Variants in ADAP2 observed in about 807,000 individuals in gnomAD.
The protein encoded by ADAP2 is arf-GAP with dual PH domain-containing protein 2.
In ADAP2, 42 loss-of-function variants were observed where a neutral mutation model predicts 54.9. The observed-to-expected ratio is 0.77, with a 90% CI of 0.60 to 0.99. ADAP2 has a LOEUF of 0.99. Ranked by LOEUF, ADAP2 falls within the 50% of genes least tolerant of loss-of-function variation. ADAP2 has a pLI of 0.00. For missense variants in ADAP2, 429 were observed against 480.4 expected (o/e 0.89, Z 1.00); for synonymous variants, 177 against 180.1 (o/e 0.98, Z 0.14).
chr17:30,958,064 C>G lies in ADAP2; in HGVS notation c.*195C>G, dbSNP rs1212074568. 1 of 620,276 alleles carries G rather than the reference C, an allele frequency of 1.6e-6. No homozygotes were observed. The highest frequency in any genetic ancestry group is 2.9e-6 in the Non-Finnish European group (1 of 342,632). 38.4% of individuals were successfully genotyped at this position (620,276 alleles called of 1,614,324 possible). Reference sequence around the variant, plus strand: ...CTTCCCCGCAACCCACCTCGGGGATCTGAGGATCTGGTGCATAGATGAACA... The same window carrying G: ...CTTCCCCGCAACCCACCTCGGGGATGTGAGGATCTGGTGCATAGATGAACA... On this transcript the variant is annotated 3_prime_UTR_variant, in exon 11 of 11. Coordinates refer to ENST00000330889, the MANE Select transcript of ADAP2 (RefSeq NM_018404.3).
intron 9 of ADAP2, among the ~76,000 whole-genome samples, chr17:30,955,017 AG>A (rs1471555922): frequency 6.6e-6 from 1 of 152,026 alleles, no homozygotes; most frequent in Non-Finnish European, 1.5e-5. Flanking sequence ...CCTTCCCCAG[AG>A]GTTGCCATGA....
intron 3 of ADAP2, among the ~76,000 whole-genome samples, chr17:30,928,611 A>G (rs1294531167): frequency 7.9e-5 from 12 of 152,180 alleles, no homozygotes; most frequent in Admixed American, 7.9e-4. Context: ...TACTATCCCT[A>G]TGCTATAGAT....
chr17:30,929,703 T>A (rs1244615291), intron 3 of ADAP2, among the ~76,000 whole-genome samples: 1 of 152,096 alleles, frequency 6.6e-6, no homozygotes, highest in Non-Finnish European at 1.5e-5. Flanking sequence ...CTTTCTTTCT[T>A]TTTTAAATAT....
At chr17:30,922,793 G>C (rs1486246677) in intron 1 of ADAP2, 147 bp from the exon 2 acceptor site, 1 of 880,392 alleles carries the variant, frequency 1.1e-6, no homozygotes, top group East Asian at 2.6e-5. Flanking sequence ...GCAGCGGCCG[G>C]TGGGCTAACC....
intron 5 of ADAP2, among the ~76,000 whole-genome samples, chr17:30,944,404 A>G (rs1030212424): frequency 6.6e-6 from 1 of 152,086 alleles, no homozygotes; most frequent in Non-Finnish European, 1.5e-5. Context: ...TGGTAGGCCA[A>G]GGCAGGTGGA....
chr17:30,949,367 T>C lies in ADAP2; in HGVS notation c.738T>C (p.Ser246=), dbSNP rs200098561. The C allele has an allele frequency of 3.1e-6, 5 of 1,613,926 alleles. No homozygotes were observed. Among genetic ancestry groups the C allele is most frequent in the Middle Eastern group, 1.6e-4 (1 of 6,062 alleles). ...TGGCCTTTCCTGAACTCCCAGAGTCTGAGGTGAGCTAAATGCGGACCCCAA... is the reference window on the plus strand; with the variant it reads ...TGGCCTTTCCTGAACTCCCAGAGTCCGAGGTGAGCTAAATGCGGACCCCAA... ...LKMAFPELPE[S]ELVPFLTRNY... The change falls in exon 7 of 11, where the codon TCT becomes TCC. Residue 246 remains serine, a synonymous_variant. Transcript: ENST00000330889.
intron 3 of ADAP2, among the ~76,000 whole-genome samples, chr17:30,929,174 ATCTC>A (rs1331875509): frequency 1.3e-5 from 2 of 152,194 alleles, no homozygotes; most frequent in Non-Finnish European, 2.9e-5. Flanking sequence ...AAGTCAGCAA[ATCTC>A]TCTGATTGTC....
intron 4 of ADAP2, among the ~76,000 whole-genome samples, 193 bp downstream of exon 4, chr17:30,932,161 A>G (rs1911535998): frequency 6.6e-6 from 1 of 151,572 alleles, no homozygotes; most frequent in South Asian, 2.1e-4. Context: ...TGCTCTGAGC[A>G]GCAGAGAAGC....
chr17:30,944,610 C>T (rs561092928), intron 5 of ADAP2, among the ~76,000 whole-genome samples: 37 of 152,304 alleles, frequency 2.4e-4, no homozygotes, highest in Non-Finnish European at 4.3e-4. Flanking sequence ...CAGGTGTCTA[C>T]CACCACGCCC....
intron 4 of ADAP2, among the ~76,000 whole-genome samples, chr17:30,933,640 C>T (rs1409876808): frequency 1.3e-5 from 2 of 152,222 alleles, no homozygotes; most frequent in African/African-American, 4.8e-5. Flanking sequence ...GCTGGGATTA[C>T]AGGCACGCGC....
At chr17:30,938,941 C>G (rs534787399) in intron 5 of ADAP2, among the ~76,000 whole-genome samples, 2 of 152,086 alleles carry the variant, frequency 1.3e-5, no homozygotes, top group South Asian at 2.1e-4. Flanking sequence ...ATACATGTAG[C>G]GAAATTTCAC....
chr17:30,923,120 A>G (rs777623542), intron 2 of ADAP2, 50 bp downstream of exon 2: 1 of 1,605,768 alleles, frequency 6.2e-7, no homozygotes, highest in South Asian at 1.1e-5. Flanking sequence ...ACTGGAGTAG[A>G]GGCAGCGGGC....
At chr17:30,947,467 C>T (rs1325787044) in intron 6 of ADAP2, among the ~76,000 whole-genome samples, 1 of 152,212 alleles carries the variant, frequency 6.6e-6, no homozygotes, top group African/African-American at 2.4e-5. Flanking sequence ...AATTCTCCAG[C>T]CTCAGCCTCT....
intron 7 of ADAP2, among the ~76,000 whole-genome samples, chr17:30,950,741 C>T (rs938403862): frequency 6.6e-6 from 1 of 152,154 alleles, no homozygotes; most frequent in African/African-American, 2.4e-5. Context: ...GGAGCAATTC[C>T]AGCAAGGCCC....
chr17:30,956,387 C>T lies in ADAP2; in HGVS notation c.1029C>T (p.Cys343=). Residue 343 remains cysteine (C), a synonymous_variant, in exon 10 of 11, where the codon TGC becomes TGT. Transcript: ENST00000330889. ...VTPERRFVLT[C]PSEKEQQEWL... is the part of the protein sequence containing the mutation. Reference sequence around the variant, plus strand: ...CAGAGCGGAGATTTGTCCTCACTTGCCCCAGTGAGAAGGAACAGCAGGAAT... The same window carrying T: ...CAGAGCGGAGATTTGTCCTCACTTGTCCCAGTGAGAAGGAACAGCAGGAAT... The T allele has an allele frequency of 2.5e-6, 4 of 1,614,196 alleles. No homozygotes were observed. Among genetic ancestry groups the T allele is most frequent in the Non-Finnish European group, 3.4e-6 (4 of 1,180,032 alleles).
In ADAP2 at chr17:30,956,248, TC is replaced by T. The variant is rs1190677904; in HGVS notation, c.891del (p.Phe297LeufsTer68). 1 of 1,614,126 alleles carries T rather than the reference TC, an allele frequency of 6.2e-7. No homozygotes were observed. Among genetic ancestry groups the T allele is most frequent in the Non-Finnish European group, 8.5e-7 (1 of 1,180,026 alleles). On this transcript the variant is annotated frameshift_variant, in exon 10 of 11. Transcript: ENST00000330889. LOFTEE classifies it high-confidence loss of function. ...TGTACTCTCCATTTTCAGGATGCCTTCGAGCAGGGCCAGGTTTTTCTTGGGA... is the reference window on the plus strand; with the variant it reads ...TGTACTCTCCATTTTCAGGATGCCTTGAGCAGGGCCAGGTTTTTCTTGGGA... The part of the protein sequence containing the change: ...LLYYKNPLDA[F>X]EQGQVFLGNK...
chr17:30,922,165 C>G, intron 1 of ADAP2, 57 bp downstream of exon 1: 6 of 1,164,894 alleles, frequency 5.2e-6, no homozygotes, highest in East Asian at 3.3e-5. Context: ...CAGGCCCACC[C>G]GACTCCTCCC....
intron 7 of ADAP2, among the ~76,000 whole-genome samples, chr17:30,951,542 C>T (rs939796008): frequency 6.6e-6 from 1 of 151,994 alleles, no homozygotes; most frequent in Non-Finnish European, 1.5e-5. Flanking sequence ...ACTTATGTTG[C>T]CCAGGCTGGT....
At chr17:30,926,983 C>T (rs888994444) in intron 3 of ADAP2, 65 bp downstream of exon 3, 68 of 1,286,658 alleles carry the variant, frequency 5.3e-5, no homozygotes, top group Non-Finnish European at 7.3e-5. Flanking sequence ...CTCCCCCTCT[C>T]CATCTTTGGT....
Sources: gnomAD v4.1 joint callset for allele counts (sites outside exome capture counted in the v4.1 genomes callset) on GRCh38, gnomAD v4.1.1 for gene constraint, MANE v1.5 for transcripts, NCBI Gene and HGNC (gene_info 2026-07-23, HGNC 2026-07-21) for gene names.